ST6GALNAC3: variants seen among roughly 807,000 people sequenced by gnomAD.
ST6GALNAC3 encodes ST6 N-acetylgalactosaminide alpha-2,6-sialyltransferase 3, also known as alpha-N-acetylgalactosaminide alpha-2,6-sialyltransferase 3.
A neutral mutation model predicts 32.7 loss-of-function variants in ST6GALNAC3; 25 were observed. The observed-to-expected ratio is 0.76, with a 90% CI of 0.56 to 1.07. ST6GALNAC3 has a LOEUF of 1.07. Among genes scored for constraint, ST6GALNAC3 ranks in the 50% least tolerant of loss-of-function variants. The pLI is 0.00. For synonymous variants in ST6GALNAC3, 129 were observed against 133.1 expected (o/e 0.97, Z 0.21); for missense variants, 355 against 382.4 (o/e 0.93, Z 0.60).
intron 3 of ST6GALNAC3, among the ~76,000 whole-genome samples, chr1:76,536,060 G>T (rs1171285027): frequency 6.6e-6 from 1 of 152,010 alleles, no homozygotes; most frequent in Non-Finnish European, 1.5e-5. Context: ...TAAATGTTAA[G>T]ATAAAATAAG....
At chr1:76,225,003 C>G (rs546463138) in intron 1 of ST6GALNAC3, among the ~76,000 whole-genome samples, 4 of 152,042 alleles carry the variant, frequency 2.6e-5, no homozygotes, top group Non-Finnish European at 5.9e-5. Flanking sequence ...CAGATGGATG[C>G]TTCCTGATTT....
chr1:76,138,804 G>A (rs1345438901), intron 1 of ST6GALNAC3, among the ~76,000 whole-genome samples: 2 of 152,208 alleles, frequency 1.3e-5, no homozygotes, highest in African/African-American at 2.4e-5. Context: ...TCTCCAGTGG[G>A]ATAGATGCAT....
intron 2 of ST6GALNAC3, among the ~76,000 whole-genome samples, chr1:76,354,556 T>C (rs929400242): frequency 2.0e-5 from 3 of 152,222 alleles, no homozygotes; most frequent in Admixed American, 6.5e-5. Flanking sequence ...GTTTGCTGTA[T>C]TTAGAAGTTT....
At chr1:76,451,818 A>G (rs77401260) in intron 3 of ST6GALNAC3, among the ~76,000 whole-genome samples, 3,902 of 152,226 alleles carry the variant, frequency 0.026, 81 homozygotes, top group Admixed American at 0.069. Context: ...AGCTTTTTGG[A>G]TAAGTCTTTA....
At chr1:76,411,853 C>A in intron 2 of ST6GALNAC3, 155 bp from the exon 3 acceptor site, 1 of 703,154 alleles carries the variant, frequency 1.4e-6, no homozygotes, top group Non-Finnish European at 2.2e-6. Flanking sequence ...ACTTGATAAT[C>A]TGTGGCAGCG....
At chr1:76,142,800 G>A (rs1181249949) in intron 1 of ST6GALNAC3, 16 of 449,232 alleles carry the variant, frequency 3.6e-5, no homozygotes, top group Admixed American at 1.7e-4. Context: ...TAGAGGCCCC[G>A]CTTCCTTGTC....
At chr1:76,137,924 G>C (rs1459580881) in intron 1 of ST6GALNAC3, among the ~76,000 whole-genome samples, 1 of 152,206 alleles carries the variant, frequency 6.6e-6, no homozygotes, top group Non-Finnish European at 1.5e-5. Flanking sequence ...CACTGGCATA[G>C]CTCAAGTGAC....
At chr1:76,274,213 A>G (rs1480757784) in intron 1 of ST6GALNAC3, among the ~76,000 whole-genome samples, 1 of 152,184 alleles carries the variant, frequency 6.6e-6, no homozygotes, top group African/African-American at 2.4e-5. Context: ...ACATTTATAT[A>G]TGATTATATA....
intron 3 of ST6GALNAC3, among the ~76,000 whole-genome samples, chr1:76,568,088 G>C (rs539146554): frequency 6.6e-6 from 1 of 152,122 alleles, no homozygotes; most frequent in Non-Finnish European, 1.5e-5. Context: ...TATTCCCAGC[G>C]CCTAGCAGAA....
chr1:76,277,147 A>C (rs1659175975), intron 1 of ST6GALNAC3, among the ~76,000 whole-genome samples: 1 of 152,196 alleles, frequency 6.6e-6, no homozygotes, highest in Non-Finnish European at 1.5e-5. Context: ...TAAACTAAAA[A>C]AATAAGGTGG....
intron 3 of ST6GALNAC3, among the ~76,000 whole-genome samples, chr1:76,456,513 G>T (rs1018787804): frequency 4.6e-5 from 7 of 151,694 alleles, no homozygotes; most frequent in African/African-American, 1.7e-4. Context: ...CTGGCTAATA[G>T]ATATTTCTTT....
chr1:76,500,085 A>C (rs1661090540), intron 3 of ST6GALNAC3, among the ~76,000 whole-genome samples: 1 of 152,160 alleles, frequency 6.6e-6, no homozygotes, highest in Non-Finnish European at 1.5e-5. Context: ...TTTTAGAATC[A>C]TAAATGAAAT....
At chr1:76,250,725 G>T (rs1657560748) in intron 1 of ST6GALNAC3, among the ~76,000 whole-genome samples, 1 of 152,110 alleles carries the variant, frequency 6.6e-6, no homozygotes, top group African/African-American at 2.4e-5. Context: ...ACATGGCTAT[G>T]AAGCATACAA....
At chr1:76,202,771 G>A (rs181864363) in intron 1 of ST6GALNAC3, among the ~76,000 whole-genome samples, 10 of 152,242 alleles carry the variant, frequency 6.6e-5, no homozygotes, top group Middle Eastern at 6.8e-3. Context: ...TCTGTATATA[G>A]CCTCAGAGCA....
intron 3 of ST6GALNAC3, among the ~76,000 whole-genome samples, chr1:76,573,171 G>A (rs919972813): frequency 1.3e-5 from 2 of 152,010 alleles, no homozygotes; most frequent in Non-Finnish European, 1.5e-5. Context: ...TTTTCCAGGG[G>A]GCATGCAAGG....
chr1:76,200,474 G>C (rs145489483), intron 1 of ST6GALNAC3, among the ~76,000 whole-genome samples: 1 of 152,110 alleles, frequency 6.6e-6, no homozygotes, highest in Non-Finnish European at 1.5e-5. Context: ...AAAAACCCCT[G>C]TTTATTTCAA....
At chr1:76,263,294 G>T (rs765527938) in intron 1 of ST6GALNAC3, among the ~76,000 whole-genome samples, 4 of 152,100 alleles carry the variant, frequency 2.6e-5, no homozygotes, top group Non-Finnish European at 4.4e-5. Flanking sequence ...CGCATGCAAA[G>T]CACCTATAGT....
At chr1:76,345,931 C>A (rs1648467681) in intron 2 of ST6GALNAC3, among the ~76,000 whole-genome samples, 1 of 152,084 alleles carries the variant, frequency 6.6e-6, no homozygotes, top group Non-Finnish European at 1.5e-5. Context: ...AGATGTCCTC[C>A]TGACTCTCTC....
At position 76,632,079 on chromosome 1, in the gene ST6GALNAC3, T is replaced by A. The variant is rs957210921; in HGVS notation, c.*3273T>A. The A allele has an allele frequency of 3.9e-5, 6 of 152,088 alleles. No homozygotes were observed. The highest frequency in any genetic ancestry group is 1.4e-4 in the African/African-American group (6 of 41,438). 9.4% of individuals were successfully genotyped at this position (152,088 alleles called of 1,614,324 possible). On this transcript the variant is annotated 3_prime_UTR_variant, in exon 5 of 5. Transcript: ENST00000328299. ...GTGTGTGAACGCACATATATATACATCTATATACTTATAACTATATATAAA... is the reference window on the plus strand; with the variant it reads ...GTGTGTGAACGCACATATATATACAACTATATACTTATAACTATATATAAA...
Sources: allele counts gnomAD v4.1 joint callset (sites outside exome capture counted in the v4.1 genomes callset), GRCh38; gene constraint gnomAD v4.1.1; transcripts MANE v1.5; gene names NCBI Gene and HGNC (gene_info 2026-07-23, HGNC 2026-07-21).